SMC4: variants seen among roughly 807,000 people sequenced by gnomAD.
The protein encoded by SMC4 is structural maintenance of chromosomes protein 4.
Under a neutral mutation model 145.6 loss-of-function variants are expected in SMC4, and 87 were observed. The ratio of observed to expected loss-of-function variants is 0.60; its 90% CI spans 0.50 to 0.71. The LOEUF (loss-of-function observed/expected upper bound fraction) is 0.71, where lower values mean the gene tolerates loss of function less well. Ranked by LOEUF, SMC4 falls within the 30% of genes least tolerant of loss-of-function variation. SMC4 has a pLI of 0.00. For missense variants in SMC4, 1,447 were observed against 1,537.1 expected, an observed-to-expected ratio of 0.94 and a Z score of 0.98; for synonymous variants, 558 against 500.7, an observed-to-expected ratio of 1.11 and a Z score of -1.53.
rs1417099082 is a variant in SMC4 at position 160,432,292 on chromosome 3, T to C, written c.3307T>C (p.Tyr1103His). The C allele has an allele frequency of 1.3e-6, 2 of 1,597,410 alleles. No homozygotes were observed. Among genetic ancestry groups the C allele is most frequent in the East Asian group, 2.2e-5 (1 of 44,794 alleles). Residue 1103 changes from tyrosine (Y) to histidine (H), a missense_variant, in exon 22 of 24, where the codon TAT becomes CAT. By Grantham distance (83) the Tyr-to-His change is moderately conservative (BLOSUM62 2). Coordinates refer to ENST00000357388, the MANE Select transcript of SMC4 (RefSeq NM_001002800.3). The part of the protein sequence containing the change: ...IAEYKKKEEL[Y>H]LQRVAELDKI... ...CATAATCTTTTCACAGGAAGAATTG[T>C]ATTTGCAACGGGTAGCAGAATTGGA...
At chr3:160,412,233 T>G in intron 6 of SMC4, 93 bp from the exon 7 acceptor site, 1 of 1,432,052 alleles carries the variant, frequency 7.0e-7, no homozygotes, top group Non-Finnish European at 9.5e-7. Context: ...AACATTCTCC[T>G]TATTAACTGT....
At chr3:160,429,588 C>T (rs1383475853) in intron 18 of SMC4, among the ~76,000 whole-genome samples, 2 of 152,008 alleles carry the variant, frequency 1.3e-5, no homozygotes, top group Admixed American at 6.5e-5. Flanking sequence ...CTGAAGCAGT[C>T]CTCTTGCCTT....
intron 15 of SMC4, 28 bp downstream of exon 15, chr3:160,423,868 C>CTTT (rs563297060): frequency 1.7e-5 from 21 of 1,222,746 alleles, no homozygotes; most frequent in South Asian, 6.1e-5. Context: ...TGTATCCAGA[C>CTTT]TTTTTTTTTT....
At chr3:160,399,880 C>T (rs1017821754) in intron 1 of SMC4, 131 bp downstream of exon 1, 1 of 152,238 alleles carries the variant, frequency 6.6e-6, no homozygotes, top group Non-Finnish European at 1.5e-5. Context: ...GGAGATTTCT[C>T]TTGCTGTCAC....
At position 160,412,566 on chromosome 3, in the gene SMC4, A is replaced by G. The variant is rs1028637391; in HGVS notation, c.980+113A>G. ...GACTGAAGTGAAAAAAAATCTCTAAATATTGTTTTGTGTGACTGAATGTGT... is the reference window on the plus strand; with the variant it reads ...GACTGAAGTGAAAAAAAATCTCTAAGTATTGTTTTGTGTGACTGAATGTGT... On this transcript the variant is annotated intron_variant, in intron 7 of 23. Transcript: ENST00000357388. 5.8e-6 allele frequency: 8 copies of G among 1,383,120 alleles called. No individual in the cohort carries two copies. In the African/African-American group the frequency reaches 1.2e-4, roughly 20 times the overall value. 85.7% of individuals were successfully genotyped at this position (1,383,120 alleles called of 1,614,324 possible).
In SMC4 at chr3:160,428,962, C is replaced by G. The variant is rs749475239; in HGVS notation, c.2795+20C>G. ...TGACAGGTAGAGTATGCATGTTACC[C>G]TAACTTGTTTTCCCTTTCCCTGCCT... On this transcript the variant is annotated intron_variant, in intron 18 of 23. Coordinates refer to ENST00000357388, the MANE Select transcript of SMC4 (RefSeq NM_001002800.3). 2.1e-5 allele frequency: 33 copies of G among 1,543,776 alleles called. No individual in the cohort carries two copies. Among genetic ancestry groups the G allele is most frequent in the Non-Finnish European group, 2.8e-5 (32 of 1,154,994 alleles).
At chr3:160,418,821 G>A (rs1716859262) in intron 11 of SMC4, among the ~76,000 whole-genome samples, 1 of 152,132 alleles carries the variant, frequency 6.6e-6, no homozygotes, top group Non-Finnish European at 1.5e-5. Context: ...TTGTGTTTAT[G>A]TGTGCATGTT....
rs2108471673 is a variant in SMC4 at position 160,414,394 on chromosome 3, TGAG to T, written c.1153_1155del (p.Glu385del). The T allele has an allele frequency of 4.4e-6, 7 of 1,603,818 alleles. No homozygotes were observed. The highest frequency in any genetic ancestry group is 6.0e-6 in the Non-Finnish European group (7 of 1,172,694). ...AACTGAATAAAATTACAAAATTTAT[TGAG>T]GAGAATAAAGAAAAATTTACACAGC... On this transcript the variant is annotated inframe_deletion, in exon 9 of 24. Transcript: ENST00000357388.
chr3:160,408,217 T>C (rs1715568212), intron 5 of SMC4, among the ~76,000 whole-genome samples: 1 of 152,230 alleles, frequency 6.6e-6, no homozygotes, highest in South Asian at 2.1e-4. Flanking sequence ...AACTTTGTTA[T>C]AGCTATGTAC....
In SMC4 at chr3:160,402,699, A is replaced by G; in HGVS notation, c.342A>G (p.Pro114=). ...FHKRFSCIIG[P]NGSGKSNVID... ...AGCGCTTTTCCTGTATTATCGGGCC[A>G]AATGGCAGTGGCAAATCCAATGTTA... is the stretch of plus-strand genomic sequence containing the variant. The change falls in exon 4 of 24, where the codon CCA becomes CCG. Residue 114 remains proline (P), a synonymous_variant. Coordinates refer to ENST00000357388, the MANE Select transcript of SMC4 (RefSeq NM_001002800.3). The G allele has an allele frequency of 6.2e-7, 1 of 1,608,864 alleles. No individual in the cohort carries two copies. The highest frequency in any genetic ancestry group is 1.3e-5 in the African/African-American group (1 of 74,744).
At position 160,431,225 on chromosome 3, in the gene SMC4, G is replaced by A; in HGVS notation, c.3114+20G>A. 1 of 1,546,956 alleles carries A rather than the reference G, an allele frequency of 6.5e-7. No homozygotes were observed. ...AAAGAGGTGAGATTGTTACCGTTTA[G>A]TTTAATTTTAAACATATTCTTTATG... On this transcript the variant is annotated intron_variant, in intron 20 of 23. Coordinates refer to ENST00000357388, the MANE Select transcript of SMC4 (RefSeq NM_001002800.3).
At chr3:160,401,546 A>G (rs1001008535) in intron 2 of SMC4, among the ~76,000 whole-genome samples, 3 of 152,186 alleles carry the variant, frequency 2.0e-5, no homozygotes, top group African/African-American at 7.2e-5. Flanking sequence ...AATTGCATCT[A>G]GAGCCTTAGG....
intron 5 of SMC4, among the ~76,000 whole-genome samples, chr3:160,409,998 T>C (rs1309899345): frequency 6.6e-6 from 1 of 152,016 alleles, no homozygotes; most frequent in African/African-American, 2.4e-5. Context: ...ATCGCTTGAG[T>C]CTGAAAGGTC....
At chr3:160,406,115 A>G (rs918936513) in intron 5 of SMC4, among the ~76,000 whole-genome samples, 1 of 152,156 alleles carries the variant, frequency 6.6e-6, no homozygotes, top group African/African-American at 2.4e-5. Context: ...TGTCAAATTT[A>G]TATTACATTT....
Position 160,412,051 on chromosome 3 carries a change from A to T in SMC4, c.819A>T (p.Arg273Ser). 1.2e-6 allele frequency: 2 copies of T among 1,613,506 alleles called. No individual in the cohort carries two copies. The highest frequency in any genetic ancestry group is 1.1e-5 in the South Asian group (1 of 91,050). The change falls in exon 6 of 24, where the codon AGA (arginine) becomes AGT (serine). Residue 273 changes from arginine to serine, a missense_variant. Physicochemically the swap from Arg to Ser is moderately radical, Grantham distance 110. Coordinates refer to ENST00000357388, the MANE Select transcript of SMC4 (RefSeq NM_001002800.3). ...LNEPIKVLCRRVEILNEHRGE... is the reference protein window; with the variant it reads ...LNEPIKVLCRSVEILNEHRGE... Reference sequence around the variant, plus strand: ...AACCTATTAAAGTCTTGTGTCGGAGAGTTGAAATATTAAATGAACACAGAG... The same window carrying T: ...AACCTATTAAAGTCTTGTGTCGGAGTGTTGAAATATTAAATGAACACAGAG...
At chr3:160,401,007 G>A (rs2108440858) in intron 2 of SMC4, 42 bp downstream of exon 2, 1 of 1,365,234 alleles carries the variant, frequency 7.3e-7, no homozygotes, top group African/African-American at 1.5e-5. Flanking sequence ...CGCGCTGTGG[G>A]ACTGGCAGGC....
At chr3:160,426,254 G>A (rs1717784270) in intron 17 of SMC4, 54 bp downstream of exon 17, 1 of 1,336,670 alleles carries the variant, frequency 7.5e-7, no homozygotes, top group South Asian at 1.3e-5. Context: ...GGTTTTTAAA[G>A]CTTGCAATAT....
chr3:160,430,652 A>G lies in SMC4; in HGVS notation c.2849A>G (p.Asp950Gly). 1 of 1,613,720 alleles carries G rather than the reference A, an allele frequency of 6.2e-7. No homozygotes were observed. The highest frequency in any genetic ancestry group is 8.5e-7 in the Non-Finnish European group (1 of 1,179,812). ...TTGCGTACAGAGAAAGAAATAAAAG[A>G]TACTGAGAAAGAGGTGGATGACCTA... is the stretch of plus-strand genomic sequence containing the variant. The part of the protein sequence containing the change: ...SVLRTEKEIK[D>G]TEKEVDDLTA... The change falls in exon 19 of 24, where the codon GAT becomes GGT. Residue 950 changes from aspartate (D) to glycine (G), a missense_variant. Transcript: ENST00000357388.
chr3:160,426,136 T>A lies in SMC4; in HGVS notation c.2541T>A (p.Leu847=). The change falls in exon 17 of 24, where the codon CTT becomes CTA. Residue 847 remains leucine, a synonymous_variant. Coordinates refer to ENST00000357388, the MANE Select transcript of SMC4 (RefSeq NM_001002800.3). The part of the protein sequence containing the change: ...VQVKELEANV[L]ATAPDKKKQK... The stretch of plus-strand genomic sequence containing the variant: ...TTAAGGAACTTGAAGCTAATGTACT[T>A]GCTACAGCCCCTGACAAAAAAAAGC... 1 of 1,608,614 alleles carries A rather than the reference T, an allele frequency of 6.2e-7. No individual in the cohort carries two copies. The highest frequency in any genetic ancestry group is 8.5e-7 in the Non-Finnish European group (1 of 1,176,290).
Sources: gnomAD v4.1 joint callset for allele counts (sites outside exome capture counted in the v4.1 genomes callset) on GRCh38, gnomAD v4.1.1 for gene constraint, MANE v1.5 for transcripts, NCBI Gene and HGNC (gene_info 2026-07-23, HGNC 2026-07-21) for gene names.